Variants in PTPN3 observed in about 807,000 individuals in gnomAD.
PTPN3 encodes the protein protein tyrosine phosphatase non-receptor type 3.
A neutral mutation model predicts 132.7 loss-of-function variants in PTPN3; 96 were observed. That is an observed-to-expected ratio of 0.72 (90% CI 0.61 to 0.86). The LOEUF (loss-of-function observed/expected upper bound fraction) is 0.86. Among genes scored for constraint, PTPN3 ranks in the 40% least tolerant of loss-of-function variants. PTPN3 has a pLI of 0.00. For synonymous variants in PTPN3, 398 were observed against 429.0 expected, an observed-to-expected ratio of 0.93 and a Z score of 0.89; for missense variants, 1,125 against 1,159.6, an observed-to-expected ratio of 0.97 and a Z score of 0.43.
At chr9:109,534,803 AAAACAAACAAACAAAC>A in the PTPN3 span, among the ~76,000 whole-genome samples, 13 of 150,670 alleles carry the variant, frequency 8.6e-5, no homozygotes, top group African/African-American at 2.0e-4. Flanking sequence ...ACTCCGTCTC[AAAACAAACAAACAAAC>A]AAACAAACAA....
intron 19 of PTPN3, among the ~76,000 whole-genome samples, chr9:109,397,063 G>C (rs931882085): frequency 6.6e-6 from 1 of 152,160 alleles, no homozygotes; most frequent in Non-Finnish European, 1.5e-5. Context: ...AAGAAAAAGG[G>C]AAAAGGACAG....
intron 22 of PTPN3, among the ~76,000 whole-genome samples, chr9:109,388,660 AG>A (rs1261583338): frequency 1.3e-5 from 2 of 152,162 alleles, no homozygotes; most frequent in Admixed American, 6.5e-5. Context: ...GAGGGAAAGA[AG>A]GGGGCTGCTA....
In PTPN3 at chr9:109,404,599, G is replaced by A. The variant is rs1841407474; in HGVS notation, c.1802C>T (p.Ser601Leu). 1 of 1,536,520 alleles carries A rather than the reference G, an allele frequency of 6.5e-7. No homozygotes were observed. Among genetic ancestry groups the A allele is most frequent in the Non-Finnish European group, 8.9e-7 (1 of 1,129,090 alleles). The change falls in exon 19 of 26, where the codon TCA becomes TTA. Residue 601 changes from serine to leucine, a missense_variant. By Grantham distance (145) the Ser-to-Leu change is moderately radical. Transcript: ENST00000374541. The part of the protein sequence containing the change: ...ALVIRRRAVR[S>L]FADFKSEDEL... ...ATCTTCAGACTTGAAGTCAGCAAAT[G>A]AGCGGACAGCTGTAACGTACAAGAC...
At chr9:109,533,777 C>A in the PTPN3 span, 1 of 1,266,140 alleles carries the variant, frequency 7.9e-7, no homozygotes, top group Non-Finnish European at 1.1e-6. Flanking sequence ...GTAGGGCCGG[C>A]GTGGTTGAGC....
intron 1 of PTPN3, among the ~76,000 whole-genome samples, chr9:109,475,319 C>T (rs1846603967): frequency 6.6e-6 from 1 of 152,198 alleles, no homozygotes. Context: ...ACTGAATTTC[C>T]TTTCATGTAT....
the PTPN3 span, among the ~76,000 whole-genome samples, chr9:109,503,753 A>G: frequency 6.6e-6 from 1 of 152,112 alleles, no homozygotes; most frequent in African/African-American, 2.4e-5. Flanking sequence ...TTATCACTGT[A>G]AAAGAGGGAT....
chr9:109,420,623 G>A, intron 13 of PTPN3, 23 bp from the exon 14 acceptor site: 1 of 1,594,704 alleles, frequency 6.3e-7, no homozygotes, highest in East Asian at 2.3e-5. Context: ...AACGTTGAGT[G>A]CAAAGTGTTC....
rs1841570582 is a variant in PTPN3 at position 109,406,445 on chromosome 9, C to T, written c.1792+17G>A. On this transcript the variant is annotated intron_variant, in intron 18 of 25. Coordinates refer to ENST00000374541, the MANE Select transcript of PTPN3 (RefSeq NM_002829.4). Reference sequence around the variant, plus strand: ...AGGACAGCTTCCCTATGGCTCCTCCCCCCAGGTGGCCATTACCTCTCCTCC... The same window carrying T: ...AGGACAGCTTCCCTATGGCTCCTCCTCCCAGGTGGCCATTACCTCTCCTCC... 6.2e-7 allele frequency: 1 copy of T among 1,610,792 alleles called. No individual in the cohort carries two copies. Among genetic ancestry groups the T allele is most frequent in the African/African-American group, 1.3e-5 (1 of 74,902 alleles).
At chr9:109,478,817 T>C (rs1846815037) in intron 1 of PTPN3, among the ~76,000 whole-genome samples, 1 of 152,214 alleles carries the variant, frequency 6.6e-6, no homozygotes, top group Admixed American at 6.5e-5. Flanking sequence ...ACCATCTTAC[T>C]GGACTCTCAC....
At chr9:109,495,507 G>A (rs530829130) in intron 1 of PTPN3, among the ~76,000 whole-genome samples, 1 of 152,252 alleles carries the variant, frequency 6.6e-6, no homozygotes, top group South Asian at 2.1e-4. Flanking sequence ...GGTCAAAATT[G>A]GTCCCTCTTG....
chr9:109,464,179 G>A (rs1845984320), intron 1 of PTPN3, among the ~76,000 whole-genome samples: 1 of 152,198 alleles, frequency 6.6e-6, no homozygotes, highest in Non-Finnish European at 1.5e-5. Flanking sequence ...GCTGGTGAAA[G>A]CATAACTCAG....
chr9:109,473,752 G>A lies in PTPN3; in HGVS notation c.-17-10301C>T, dbSNP rs549573938. On this transcript the variant is annotated intron_variant, in intron 1 of 25. Transcript: ENST00000374541. Reference sequence around the variant, plus strand: ...AAAACCTTTTTCTTGAAGTATCACAGAGAGAAAAAGTACAAATGCTAAATA... The same window carrying A: ...AAAACCTTTTTCTTGAAGTATCACAAAGAGAAAAAGTACAAATGCTAAATA... Among the ~76,000 whole-genome samples, 280 of 152,268 alleles carry A rather than the reference G, an allele frequency of 1.8e-3. 1 individual carries two copies. Among genetic ancestry groups the A allele is most frequent in the African/African-American group, 6.3e-3 (260 of 41,552 alleles).
chr9:109,409,281 T>C (rs897299104), intron 16 of PTPN3, among the ~76,000 whole-genome samples: 4 of 152,156 alleles, frequency 2.6e-5, no homozygotes, highest in African/African-American at 9.7e-5. Context: ...TGAATTGTTT[T>C]TCTCTTATCA....
chr9:109,391,870 T>TC (rs751537375), intron 19 of PTPN3, among the ~76,000 whole-genome samples: 8 of 29,444 alleles, frequency 2.7e-4, no homozygotes, highest in Non-Finnish European at 3.4e-4. Flanking sequence ...CAACTAGATG[T>TC]GGGGGGGGGG....
At chr9:109,453,979 C>G (rs545830404) in intron 5 of PTPN3, among the ~76,000 whole-genome samples, 1 of 151,880 alleles carries the variant, frequency 6.6e-6, no homozygotes, top group Non-Finnish European at 1.5e-5. Flanking sequence ...CGCACCTCTG[C>G]GCTCCAGCCA....
intron 14 of PTPN3, among the ~76,000 whole-genome samples, chr9:109,419,289 T>C (rs921027414): frequency 6.6e-6 from 1 of 152,146 alleles, no homozygotes; most frequent in African/African-American, 2.4e-5. Context: ...GGGAAGGAGA[T>C]TTGCAATTCA....
At chr9:109,394,748 TTG>T (rs1237102080) in intron 19 of PTPN3, among the ~76,000 whole-genome samples, 1 of 152,222 alleles carries the variant, frequency 6.6e-6, no homozygotes, top group Non-Finnish European at 1.5e-5. Context: ...AGACACAATC[TTG>T]TGTGTGTATA....
intron 9 of PTPN3, among the ~76,000 whole-genome samples, chr9:109,436,645 T>C (rs1844072691): frequency 6.6e-6 from 1 of 152,130 alleles, no homozygotes; most frequent in Admixed American, 6.6e-5. Context: ...ATTACTAGTT[T>C]CTAGTCCCCT....
the PTPN3 span, chr9:109,533,878 A>T: frequency 5.2e-6 from 4 of 766,360 alleles, no homozygotes; most frequent in Middle Eastern, 3.7e-4. Context: ...GAGGACCCCT[A>T]CGACGTGGAT....
Sources: allele counts gnomAD v4.1 joint callset (sites outside exome capture counted in the v4.1 genomes callset), GRCh38; gene constraint gnomAD v4.1.1; transcripts MANE v1.5; gene names NCBI Gene and HGNC (gene_info 2026-07-23, HGNC 2026-07-21).